NTMT1: variants seen among roughly 807,000 people sequenced by gnomAD.
NTMT1 encodes the protein N-terminal RCC1 methyltransferase.
A neutral mutation model predicts 17.5 loss-of-function variants in NTMT1; 8 were observed. The observed-to-expected ratio is 0.46, with a 90% CI of 0.27 to 0.82. The LOEUF (loss-of-function observed/expected upper bound fraction) is 0.82. NTMT1 is among the 40% of genes least tolerant of loss of function. NTMT1 has a pLI of 0.15. For missense variants in NTMT1, 221 were observed against 303.5 expected (o/e 0.73, Z 2.02); for synonymous variants, 128 against 126.8 (o/e 1.01, Z -0.06).
rs1830276595 is a variant in NTMT1 at position 129,614,892 on chromosome 9, A to G, written c.-55+5714A>G. 6.6e-6 allele frequency among the ~76,000 whole-genome samples: 1 copy of G among 151,428 alleles called. No individual in the cohort carries two copies. ...ACTCCAGCCTGGGCGACAGAGTGAG[A>G]CTCCGTATCAGAAAAAAAAAAAGAA... On this transcript the variant is annotated intron_variant, in intron 1 of 3. Transcript: ENST00000372486. The surrounding 1 kb of genome is among the most constrained non-coding windows in gnomAD (Gnocchi z 4.4).
At chr9:129,635,039 A>G in intron 3 of NTMT1, 169 bp from the exon 4 acceptor site, 1 of 740,130 alleles carries the variant, frequency 1.4e-6, no homozygotes, top group East Asian at 2.6e-5. Context: ...TTCCTATTCT[A>G]TGAATTGGGG....
chr9:129,612,425 C>A (rs141615044), intron 1 of NTMT1: 18,808 of 1,612,648 alleles, frequency 0.012, 146 homozygotes, highest in Non-Finnish European at 0.013. Flanking sequence ...TCAGGACCGA[C>A]TGCAGCACCC....
rs144808755 is a variant in NTMT1, at chr9:129,626,763, C to G, written c.-55+468C>G. 4.0e-3 allele frequency among the ~76,000 whole-genome samples: 602 copies of G among 152,322 alleles called. 8 individuals carry two copies. The highest frequency in any genetic ancestry group is 0.014 in the African/African-American group (571 of 41,578). ...ACCTTGGGTGCCACCCGAGCGCCAG[C>G]CCGACACAGGTGCAGCTCAAAAAAG... On this transcript the variant is annotated intron_variant, in intron 1 of 3. Transcript: ENST00000372483.
At chr9:129,619,300 A>G (rs987524539) in intron 1 of NTMT1, among the ~76,000 whole-genome samples, 1 of 152,178 alleles carries the variant, frequency 6.6e-6, no homozygotes, top group African/African-American at 2.4e-5. Context: ...ATGTGTTGGT[A>G]GAAGACCTCA....
intron 1 of NTMT1, among the ~76,000 whole-genome samples, chr9:129,610,964 C>G (rs1032147726): frequency 6.6e-6 from 1 of 152,300 alleles, no homozygotes; most frequent in African/African-American, 2.4e-5. Context: ...CTTCCAGTTA[C>G]CTCCAGAGTC....
rs1366983236 is a variant in NTMT1 at position 129,634,320 on chromosome 9, C to CG, written c.415+15dup. On this transcript the variant is annotated intron_variant, in intron 3 of 3. Coordinates refer to ENST00000372483, the MANE Select transcript of NTMT1 (RefSeq NM_014064.4). ...AGTGGGTGATAGGTGAGGGTTCCAC[C>CG]GCCCTTCCCTGCTCACCTGTATGTC... The CG allele has an allele frequency of 1.3e-6, 2 of 1,580,404 alleles. No individual in the cohort carries two copies. The highest frequency in any genetic ancestry group is 1.7e-6 in the Non-Finnish European group (2 of 1,160,542).
At chr9:129,633,816 T>C (rs1199557772) in intron 2 of NTMT1, 2 of 500,460 alleles carry the variant, frequency 4.0e-6, no homozygotes, top group East Asian at 6.7e-5. Flanking sequence ...CTGAACAGAA[T>C]GCAGAATGCA....
At chr9:129,623,835 T>C (rs1303136704), upstream of NTMT1, among the ~76,000 whole-genome samples, 2 of 146,056 alleles carry the variant, frequency 1.4e-5, no homozygotes, top group Non-Finnish European at 3.0e-5. Context: ...TTTCTTTTTT[T>C]TTTTTTTGGA....
At chr9:129,609,017 A>G (rs1830058705) in exon 1 of NTMT1, 1 of 152,460 alleles carries the variant, frequency 6.6e-6, no homozygotes, top group Non-Finnish European at 1.5e-5. Flanking sequence ...TGTGATCTTG[A>G]GAAAGAGTTG....
rs924531250 is a variant in NTMT1 at position 129,634,391 on chromosome 9, C to G, written c.415+85C>G. 11 of 1,487,038 alleles carry G rather than the reference C, an allele frequency of 7.4e-6. No individual in the cohort carries two copies. In the African/African-American group the frequency reaches 9.8e-5, roughly 13 times the overall value. The allele number at this position is 1,487,038 out of a possible 1,614,324, so 92.1% of individuals were successfully genotyped here. The stretch of plus-strand genomic sequence containing the variant: ...ATAAGGTGTCAGGACCAGGGCTTTG[C>G]ACTCCTGCAGCAAGTGGGCCAGTGA... On this transcript the variant is annotated intron_variant, in intron 3 of 3. Coordinates refer to ENST00000372483, the MANE Select transcript of NTMT1 (RefSeq NM_014064.4).
chr9:129,618,856 C>G (rs1830519592), intron 1 of NTMT1, among the ~76,000 whole-genome samples: 1 of 136,166 alleles, frequency 7.3e-6, no homozygotes, highest in African/African-American at 2.8e-5. Context: ...CCACGCCCGG[C>G]TAATTTTTTG....
intron 1 of NTMT1, among the ~76,000 whole-genome samples, chr9:129,632,302 G>C (rs1033291050): frequency 1.3e-5 from 2 of 152,192 alleles, no homozygotes; most frequent in African/African-American, 4.8e-5. Flanking sequence ...TAATTAGCCA[G>C]GCATGGTGGC....
chr9:129,628,788 A>G (rs1831010386), intron 1 of NTMT1: 1 of 152,188 alleles, frequency 6.6e-6, no homozygotes, highest in Non-Finnish European at 1.5e-5. Context: ...TTTGTGTTTC[A>G]TGGGATGCAA....
At chr9:129,626,077 C>G (rs913409729), upstream of NTMT1, 2 of 151,978 alleles carry the variant, frequency 1.3e-5, no homozygotes, top group African/African-American at 4.8e-5. Flanking sequence ...GGAGCCCGCG[C>G]GGGGGAGGGG....
Position 129,620,378 on chromosome 9 carries a change from T to C in NTMT1, c.-55+11200T>C. 8.2e-7 allele frequency: 1 copy of C among 1,225,234 alleles called. No homozygotes were observed. Among genetic ancestry groups the C allele is most frequent in the Non-Finnish European group, 1.0e-6 (1 of 985,414 alleles). The allele number at this position is 1,225,234 out of a possible 1,614,324, so 75.9% of individuals were successfully genotyped here. A position where few individuals can be genotyped will look rare whatever the true frequency, so the allele number is the denominator to read the frequency against. On this transcript the variant is annotated intron_variant, in intron 1 of 3. Coordinates refer to the NTMT1 transcript ENST00000372486. The surrounding 1 kb of genome is among the most constrained non-coding windows in gnomAD (Gnocchi z 5.8). ...TCCGACGCCCACCCCGGGCTTGGCG[T>C]CCCCTTCCGGCCACCACGCGGCGCC...
At chr9:129,630,741 G>A (rs534950045) in intron 1 of NTMT1, among the ~76,000 whole-genome samples, 15 of 152,350 alleles carry the variant, frequency 9.8e-5, no homozygotes, top group African/African-American at 3.4e-4. Flanking sequence ...TGCTCTCCTC[G>A]TGTGGAGGCA....
At chr9:129,630,824 A>G (rs573495504) in intron 1 of NTMT1, among the ~76,000 whole-genome samples, 1 of 152,256 alleles carries the variant, frequency 6.6e-6, no homozygotes, top group African/African-American at 2.4e-5. Context: ...TCCCTTTACC[A>G]TGGGTTTATC....
chr9:129,612,474 C>G (rs1830140436), intron 1 of NTMT1: 2 of 1,598,580 alleles, frequency 1.3e-6, no homozygotes, highest in Non-Finnish European at 1.7e-6. Flanking sequence ...GACAGAGGAC[C>G]AGCTGGCTGC....
chr9:129,615,402 C>T (rs1172592750), intron 1 of NTMT1: 4 of 1,422,788 alleles, frequency 2.8e-6, no homozygotes, highest in Non-Finnish European at 3.7e-6. Context: ...GTCCCTCACT[C>T]TAGGGGCCCG....
Sources: gnomAD v4.1 joint callset for allele counts (sites outside exome capture counted in the v4.1 genomes callset) on GRCh38, gnomAD v4.1.1 for gene constraint, Gnocchi (gnomAD v3.1) non-coding constraint, MANE v1.5 for transcripts, NCBI Gene and HGNC (gene_info 2026-07-23, HGNC 2026-07-21) for gene names.